The following CCDC180 variants were observed in gnomAD, a reference collection of about 807,000 sequenced individuals.
The protein encoded by CCDC180 is coiled-coil domain-containing protein 180.
In CCDC180, 154 loss-of-function variants were observed where a neutral mutation model predicts 209.2. That is an observed-to-expected ratio of 0.74 (90% CI 0.65 to 0.84). The LOEUF (loss-of-function observed/expected upper bound fraction) is 0.84. CCDC180 is among the 40% of genes least tolerant of loss of function. The probability of loss-of-function intolerance (pLI) is 0.00; values close to 1 mark genes in which losing one functional copy is unlikely to be tolerated. For synonymous variants in CCDC180, 778 were observed against 749.1 expected, an observed-to-expected ratio of 1.04 and a Z score of -0.63; for missense variants, 1,874 against 1,997.3, an observed-to-expected ratio of 0.94 and a Z score of 1.18.
chr9:97,358,628 A>G (rs1490780859), intron 25 of CCDC180, among the ~76,000 whole-genome samples: 1 of 152,048 alleles, frequency 6.6e-6, no homozygotes, highest in Non-Finnish European at 1.5e-5. Flanking sequence ...ACACCCTTCA[A>G]TGATGGGGGA....
intron 3 of CCDC180, among the ~76,000 whole-genome samples, chr9:97,311,117 G>C (rs1832972976): frequency 6.6e-6 from 1 of 152,164 alleles, no homozygotes; most frequent in South Asian, 2.1e-4. Context: ...TCATCACCCA[G>C]GGCAGACTCC....
At chr9:97,365,776 A>G (rs767382490) in intron 30 of CCDC180, 37 bp downstream of exon 30, 1 of 1,589,176 alleles carries the variant, frequency 6.3e-7, no homozygotes, top group Non-Finnish European at 8.6e-7. Context: ...CCTGCCCTGG[A>G]AACCACGCCT....
At chr9:97,330,790 C>G (rs748827471) in intron 18 of CCDC180, 23 bp downstream of exon 18, 13 of 1,575,308 alleles carry the variant, frequency 8.3e-6, no homozygotes, top group Non-Finnish European at 1.0e-5. Flanking sequence ...CTGATTCATT[C>G]TTGGGCATAG....
intron 19 of CCDC180, 105 bp from the exon 20 acceptor site, chr9:97,347,209 A>G: frequency 8.2e-6 from 9 of 1,101,570 alleles, no homozygotes; most frequent in East Asian, 2.6e-5. Context: ...GGGAAATGAA[A>G]TGAAGAATGA....
intron 19 of CCDC180, among the ~76,000 whole-genome samples, chr9:97,344,691 A>G (rs1826196597): frequency 6.6e-6 from 1 of 152,210 alleles, no homozygotes; most frequent in Non-Finnish European, 1.5e-5. Flanking sequence ...CCACTATGCT[A>G]TCTGCCTTAT....
Position 97,354,966 on chromosome 9 carries a change from C to G in CCDC180, c.3222C>G (p.Ile1074Met). 4.3e-6 allele frequency: 7 copies of G among 1,613,876 alleles called. No individual in the cohort carries two copies. The highest frequency in any genetic ancestry group is 5.9e-6 in the Non-Finnish European group (7 of 1,179,790). ...TGGACCTTATTTTCATAGAGAAAAT[C>G]CAGCGGTTGCTGACGAATCTGCAAG... Reference protein sequence around the residue: ...LSVDLIFIEKIQRLLTNLQVK... With the variant: ...LSVDLIFIEKMQRLLTNLQVK... Residue 1074 changes from isoleucine to methionine, a missense_variant, in exon 24 of 37, where the codon ATC becomes ATG. By Grantham distance (10) the Ile-to-Met change is conservative. Transcript: ENST00000529487.
chr9:97,371,676 G>T lies in CCDC180; in HGVS notation c.4570G>T (p.Val1524Leu), dbSNP rs751415482. ...GAAGTTCCTACTGCAGTTGGATGAGGTGGTCACCATTGACGATGTCCAGGT... is the reference window on the plus strand; with the variant it reads ...GAAGTTCCTACTGCAGTTGGATGAGTTGGTCACCATTGACGATGTCCAGGT... Reference protein sequence around the residue: ...TEKFLLQLDEVVTIDDVQVAR... With the variant: ...TEKFLLQLDELVTIDDVQVAR... The change falls in exon 34 of 37, where the codon GTG (valine) becomes TTG (leucine). Residue 1524 changes from valine to leucine, a missense_variant. Transcript: ENST00000529487. The T allele has an allele frequency of 6.2e-7, 1 of 1,605,930 alleles. No individual in the cohort carries two copies. The highest frequency in any genetic ancestry group is 8.5e-7 in the Non-Finnish European group (1 of 1,173,486).
At chr9:97,372,023 C>T (rs577028208) in intron 34 of CCDC180, 1 of 198,604 alleles carries the variant, frequency 5.0e-6, no homozygotes, top group South Asian at 1.8e-4. Context: ...CCAAAAAAAT[C>T]CCGAAAAATG....
intron 26 of CCDC180, 69 bp downstream of exon 26, chr9:97,360,170 G>C: frequency 6.4e-7 from 1 of 1,572,804 alleles, no homozygotes; most frequent in South Asian, 1.2e-5. Flanking sequence ...GAGACCTGCA[G>C]GGCTCAGTAG....
In CCDC180 at chr9:97,330,637, G is replaced by A. The variant is rs377100797; in HGVS notation, c.2144G>A (p.Gly715Asp). The A allele has an allele frequency of 6.2e-7, 1 of 1,613,208 alleles. No homozygotes were observed. Among genetic ancestry groups the A allele is most frequent in the Non-Finnish European group, 8.5e-7 (1 of 1,179,726 alleles). ...TCCCTGAATGAGGAGAATGTGAAGGGTCAAGGAGAAAAGAAGGAGGAGTCA... is the reference window on the plus strand; with the variant it reads ...TCCCTGAATGAGGAGAATGTGAAGGATCAAGGAGAAAAGAAGGAGGAGTCA... ...NPSLNEENVK[G>D]QGEKKEESEE... is the part of the protein sequence containing the mutation. Residue 715 changes from glycine (G) to aspartate (D), a missense_variant, in exon 18 of 37, where the codon GGT (glycine) becomes GAT (aspartate). Gly to Asp is a moderately conservative substitution (Grantham distance 94, BLOSUM62 -1). Coordinates refer to ENST00000529487, the MANE Select transcript of CCDC180 (RefSeq NM_020893.6).
chr9:97,334,868 C>G (rs946851006), intron 18 of CCDC180, among the ~76,000 whole-genome samples: 2 of 152,152 alleles, frequency 1.3e-5, no homozygotes, highest in African/African-American at 4.8e-5. Context: ...AAGCAACTCT[C>G]TGTTGTCTTA....
intron 22 of CCDC180, among the ~76,000 whole-genome samples, chr9:97,352,880 C>A (rs1826459158): frequency 6.6e-6 from 1 of 151,370 alleles, no homozygotes; most frequent in Non-Finnish European, 1.5e-5. Context: ...TTCTGCAAAT[C>A]TATTCATTGA....
In CCDC180 at chr9:97,364,130, T is replaced by C; in HGVS notation, c.3980+2T>C. ...GGACAAGCCTCCCCCTGCTGCCGAG[T>C]GAGTAACAACGCCTTTCCTTTTGAC... On this transcript the variant is annotated splice_donor_variant, in intron 29 of 36. Coordinates refer to ENST00000529487, the MANE Select transcript of CCDC180 (RefSeq NM_020893.6). LOFTEE classifies it high-confidence loss of function. The C allele has an allele frequency of 6.2e-7, 1 of 1,613,614 alleles. No individual in the cohort carries two copies. Among genetic ancestry groups the C allele is most frequent in the Non-Finnish European group, 8.5e-7 (1 of 1,179,848 alleles).
Position 97,354,469 on chromosome 9 carries a change from G to A in CCDC180, c.3003-100G>A, listed in dbSNP as rs530683073. The stretch of plus-strand genomic sequence containing the variant: ...TTTTCCCACATCTTGAACTCTAACC[G>A]GAAGCCTAGATTAAAAGTGTGTGTC... On this transcript the variant is annotated intron_variant, in intron 22 of 36. Transcript: ENST00000529487. 39 of 1,200,620 alleles carry A rather than the reference G, an allele frequency of 3.2e-5. No homozygotes were observed. In the East Asian group the frequency reaches 6.1e-4, roughly 19 times the overall value. 74.4% of individuals were successfully genotyped at this position (1,200,620 alleles called of 1,614,324 possible). A position where few individuals can be genotyped will look rare whatever the true frequency, so the allele number is the denominator to read the frequency against.
chr9:97,348,857 C>G (rs1313072361), intron 20 of CCDC180, among the ~76,000 whole-genome samples: 3 of 152,224 alleles, frequency 2.0e-5, no homozygotes, highest in Admixed American at 1.3e-4. Flanking sequence ...CCCAGACTCT[C>G]CATCTTCCTG....
chr9:97,324,069 A>G, intron 13 of CCDC180, 166 bp downstream of exon 13: 2 of 744,326 alleles, frequency 2.7e-6, no homozygotes, highest in Middle Eastern at 4.4e-4. Context: ...GGCCACTCCA[A>G]GCTCACTCAC....
chr9:97,370,545 C>A, intron 32 of CCDC180, 96 bp from the exon 33 acceptor site: 1 of 1,409,568 alleles, frequency 7.1e-7, no homozygotes. Flanking sequence ...GGTCAGAGGA[C>A]ATGAGTCTGG....
chr9:97,313,060 C>G (rs554132429), intron 4 of CCDC180, among the ~76,000 whole-genome samples, 176 bp from the exon 5 acceptor site: 1 of 152,242 alleles, frequency 6.6e-6, no homozygotes, highest in Admixed American at 6.5e-5. Context: ...CTCGGTCCCT[C>G]TAGCACTCAT....
chr9:97,375,878 G>T (rs1238923842), intron 36 of CCDC180: 8 of 396,574 alleles, frequency 2.0e-5, no homozygotes, highest in Non-Finnish European at 3.2e-5. Flanking sequence ...TAGTGTCACA[G>T]CTAGGGAACA....
Sources: gnomAD v4.1 joint callset for allele counts (sites outside exome capture counted in the v4.1 genomes callset) on GRCh38, gnomAD v4.1.1 for gene constraint, MANE v1.5 for transcripts, NCBI Gene and HGNC (gene_info 2026-07-23, HGNC 2026-07-21) for gene names.